WRN: variants seen among roughly 807,000 people sequenced by gnomAD.
WRN encodes the protein bifunctional 3'-5' exonuclease/ATP-dependent helicase WRN.
A neutral mutation model predicts 180.7 loss-of-function variants in WRN; 149 were observed. That is an observed-to-expected ratio of 0.82 (90% CI 0.72 to 0.94). WRN has a LOEUF of 0.94. Among genes scored for constraint, WRN ranks in the 40% least tolerant of loss-of-function variants. The pLI, the probability that WRN is intolerant of heterozygous loss-of-function variation, is 0.00. For synonymous variants in WRN, 548 were observed against 568.9 expected (o/e 0.96, Z 0.52); for missense variants, 1,661 against 1,700.1 (o/e 0.98, Z 0.40).
At chr8:31,150,260 C>T (rs1803065419) in intron 30 of WRN, 81 bp from the exon 31 acceptor site, 1 of 1,119,148 alleles carries the variant, frequency 8.9e-7, no homozygotes, top group Non-Finnish European at 1.4e-6. Context: ...GGAAGCTGAA[C>T]ATCAGCTATA....
intron 32 of WRN, among the ~76,000 whole-genome samples, chr8:31,155,975 A>G (rs1176889502): frequency 1.3e-5 from 2 of 152,228 alleles, no homozygotes; most frequent in Non-Finnish European, 2.9e-5. Context: ...CATGTTTCTT[A>G]AAGTTCCTTA....
chr8:31,162,480 A>G lies in WRN; in HGVS notation c.3983-4542A>G, dbSNP rs80216122. Among the ~76,000 whole-genome samples the G allele has an allele frequency of 7.9e-3, 1,204 of 152,308 alleles. 6 individuals carry two copies. Among genetic ancestry groups the G allele is most frequent in the Non-Finnish European group, 0.012 (797 of 68,016 alleles). Reference sequence around the variant, plus strand: ...ACAATGCCTTCTTCTGGACACCTCCAGAAGGGCCTGCGTGTTTTACAGTGA... The same window carrying G: ...ACAATGCCTTCTTCTGGACACCTCCGGAAGGGCCTGCGTGTTTTACAGTGA... On this transcript the variant is annotated intron_variant, in intron 33 of 34. Coordinates refer to ENST00000298139, the MANE Select transcript of WRN (RefSeq NM_000553.6).
At chr8:31,103,209 C>T (rs1401621556) in intron 18 of WRN, among the ~76,000 whole-genome samples, 1 of 152,060 alleles carries the variant, frequency 6.6e-6, no homozygotes, top group African/African-American at 2.4e-5. Context: ...GAAGGACCTG[C>T]CTGAGGCTGT....
At chr8:31,138,728 C>A (rs890464493) in intron 24 of WRN, among the ~76,000 whole-genome samples, 1 of 152,160 alleles carries the variant, frequency 6.6e-6, no homozygotes, top group Non-Finnish European at 1.5e-5. Context: ...CACCAAAATT[C>A]ATTCCTTAGC....
intron 5 of WRN, among the ~76,000 whole-genome samples, chr8:31,065,924 G>T (rs187314325): frequency 9.3e-5 from 14 of 150,496 alleles, no homozygotes; most frequent in African/African-American, 2.4e-4. Context: ...TGTTGCCCAG[G>T]CTGGAGTGGA....
intron 1 of WRN, among the ~76,000 whole-genome samples, chr8:31,047,642 T>G (rs970468061): frequency 6.6e-6 from 1 of 152,196 alleles, no homozygotes; most frequent in East Asian, 1.9e-4. Flanking sequence ...AACATCCACT[T>G]ACTGATGAAT....
intron 3 of WRN, among the ~76,000 whole-genome samples, chr8:31,063,326 A>G (rs1458448080): frequency 6.6e-6 from 1 of 152,134 alleles, no homozygotes; most frequent in African/African-American, 2.4e-5. Flanking sequence ...GTTATATCTT[A>G]CTATGTTTCA....
Position 31,121,566 on chromosome 8 carries a change from A to T in WRN, c.2630+1142A>T, listed in dbSNP as rs183504130. Among the ~76,000 whole-genome samples, 72 of 152,144 alleles carry T rather than the reference A, an allele frequency of 4.7e-4. 1 individual carries two copies. The highest frequency in any genetic ancestry group is 1.7e-3 in the African/African-American group (71 of 41,550). ...ACAATCAAAATTTTGTAAAAAAGGA[A>T]TCATGCAACATATTTAAAATTATAA... On this transcript the variant is annotated intron_variant, in intron 21 of 34. Transcript: ENST00000298139.
chr8:31,124,894 T>G lies in WRN; in HGVS notation c.2733-14T>G. On this transcript the variant is annotated splice_polypyrimidine_tract_variant and intron_variant, in intron 22 of 34. Coordinates refer to ENST00000298139, the MANE Select transcript of WRN (RefSeq NM_000553.6). The stretch of plus-strand genomic sequence containing the variant: ...TCTGTTCTTTTATTTAATTTAAAAT[T>G]TTGTCTTGGGTAGAATCATCTTGTC... 1 of 1,608,968 alleles carries G rather than the reference T, an allele frequency of 6.2e-7. No individual in the cohort carries two copies. The highest frequency in any genetic ancestry group is 8.5e-7 in the Non-Finnish European group (1 of 1,176,298).
At chr8:31,122,871 T>G (rs1230047932) in intron 21 of WRN, among the ~76,000 whole-genome samples, 1 of 140,114 alleles carries the variant, frequency 7.1e-6, no homozygotes, top group African/African-American at 2.7e-5. Context: ...TTTTTTTTTT[T>G]TTTTTTTTTT....
intron 1 of WRN, among the ~76,000 whole-genome samples, chr8:31,042,032 T>G (rs1585384235): frequency 6.6e-6 from 1 of 151,898 alleles, no homozygotes; most frequent in Admixed American, 6.6e-5. Context: ...GCCCAAGGGG[T>G]GAGGACAATG....
At position 31,062,373 on chromosome 8, in the gene WRN, T is replaced by C. The variant is rs188206753; in HGVS notation, c.210-1916T>C. 1.4e-3 allele frequency among the ~76,000 whole-genome samples: 217 copies of C among 151,874 alleles called. 1 individual carries two copies. The highest frequency in any genetic ancestry group is 5.1e-3 in the African/African-American group (212 of 41,478). On this transcript the variant is annotated intron_variant, in intron 3 of 34. Coordinates refer to ENST00000298139, the MANE Select transcript of WRN (RefSeq NM_000553.6). ...TAGATAACAATATAATAGATATGCATATTCCTCCCACTTTATCAAATCTTA... is the reference window on the plus strand; with the variant it reads ...TAGATAACAATATAATAGATATGCACATTCCTCCCACTTTATCAAATCTTA...
chr8:31,161,255 C>G (rs1405503364), intron 33 of WRN, among the ~76,000 whole-genome samples: 3 of 152,132 alleles, frequency 2.0e-5, no homozygotes, highest in Non-Finnish European at 4.4e-5. Flanking sequence ...AATATTGCCT[C>G]TCTTATAGAA....
chr8:31,087,514 C>A, intron 11 of WRN: 1 of 350,040 alleles, frequency 2.9e-6, no homozygotes, highest in Non-Finnish European at 5.3e-6. Flanking sequence ...TTTATGATAG[C>A]TTTCCCCAGG....
In WRN at chr8:31,175,428, C is replaced by T. The variant is rs1804247965; in HGVS notation, c.*2326C>T. On this transcript the variant is annotated 3_prime_UTR_variant, in exon 35 of 35. Coordinates refer to ENST00000298139, the MANE Select transcript of WRN (RefSeq NM_000553.6). ...CCAGCCTGGCGACAGAGCAAGACTC[C>T]GTCTCAAAAATAAAAAAAGAAATCA... Among the ~76,000 whole-genome samples the T allele has an allele frequency of 6.6e-6, 1 of 152,002 alleles. No individual in the cohort carries two copies. The highest frequency in any genetic ancestry group is 6.5e-5 in the Admixed American group (1 of 15,270).
intron 32 of WRN, among the ~76,000 whole-genome samples, chr8:31,155,513 T>C (rs955397460): frequency 6.6e-6 from 1 of 151,554 alleles, no homozygotes; most frequent in Non-Finnish European, 1.5e-5. Context: ...TCCCAGATAC[T>C]TGGGAGGCGG....
chr8:31,077,463 C>T (rs760998542), intron 8 of WRN, among the ~76,000 whole-genome samples: 9 of 152,024 alleles, frequency 5.9e-5, no homozygotes, highest in Non-Finnish European at 1.2e-4. Context: ...AGGATCGTCT[C>T]GATCTCCGGA....
chr8:31,127,667 T>C (rs73583749), intron 23 of WRN, among the ~76,000 whole-genome samples: 2,118 of 152,134 alleles, frequency 0.014, 41 homozygotes, highest in African/African-American at 0.049. Flanking sequence ...GTATTAGCAC[T>C]TTGGGAGGCT....
chr8:31,114,141 T>C (rs1327447941), intron 19 of WRN, among the ~76,000 whole-genome samples: 2 of 152,154 alleles, frequency 1.3e-5, no homozygotes, highest in Non-Finnish European at 2.9e-5. Context: ...AGCAGTGAGG[T>C]AGAGGGTAAT....
Sources: allele counts gnomAD v4.1 joint callset (sites outside exome capture counted in the v4.1 genomes callset), GRCh38; gene constraint gnomAD v4.1.1; transcripts MANE v1.5; gene names NCBI Gene and HGNC (gene_info 2026-07-23, HGNC 2026-07-21).